The following ADGRF5 variants were observed in gnomAD, a reference collection of about 807,000 sequenced individuals.
ADGRF5 encodes adhesion G protein-coupled receptor F5, also known as G-protein coupled receptor 116.
In ADGRF5, 75 loss-of-function variants were observed where a neutral mutation model predicts 132.3. That is an observed-to-expected ratio of 0.57 (90% CI 0.47 to 0.69). ADGRF5 has a LOEUF of 0.69. Among genes scored for constraint, ADGRF5 ranks in the 30% least tolerant of loss-of-function variants. The pLI is 0.00. For missense variants in ADGRF5, 1,516 were observed against 1,630.6 expected, an observed-to-expected ratio of 0.93 and a Z score of 1.21; for synonymous variants, 629 against 597.6, an observed-to-expected ratio of 1.05 and a Z score of -0.77.
rs567646604 is a variant in ADGRF5, at chr6:46,881,553, G to C, written c.716C>G (p.Pro239Arg). 6.2e-6 allele frequency: 10 copies of C among 1,613,348 alleles called. No individual in the cohort carries two copies. The highest frequency in any genetic ancestry group is 7.6e-6 in the Non-Finnish European group (9 of 1,179,318). Reference protein sequence around the residue: ...VVTYEVKTTPPSLELIHKANE... With the variant: ...VVTYEVKTTPRSLELIHKANE... ...GGCTTTATGTATTAACTCAAGTGAT[G>C]GTGGTGTAGTCTTGACTTCATATGT... The change falls in exon 8 of 21, where the codon CCA (proline) becomes CGA (arginine). Residue 239 changes from proline to arginine, a missense_variant. Pro to Arg is a moderately radical substitution (Grantham distance 103). Around this residue, in one of 2 missense-constraint regions of ADGRF5, gnomAD observed 945 missense variants for 929.4 expected, o/e 1.02. Coordinates refer to ENST00000283296, the MANE Select transcript of ADGRF5 (RefSeq NM_001098518.2).
At chr6:46,899,404 C>T (rs2150879366) in intron 3 of ADGRF5, among the ~76,000 whole-genome samples, 1 of 152,192 alleles carries the variant, frequency 6.6e-6, no homozygotes, top group East Asian at 1.9e-4. Flanking sequence ...GTGGGAGCAC[C>T]AGGTCCTGGG....
chr6:46,903,974 GAC>G (rs1775041660), intron 2 of ADGRF5, among the ~76,000 whole-genome samples: 1 of 152,190 alleles, frequency 6.6e-6, no homozygotes, highest in Non-Finnish European at 1.5e-5. Flanking sequence ...GAAGAAAGTT[GAC>G]AGTTTCCAAA....
intron 1 of ADGRF5, chr6:46,908,986 T>G (rs532366216): frequency 4.6e-5 from 7 of 152,324 alleles, no homozygotes; most frequent in African/African-American, 1.7e-4. Flanking sequence ...CTTCAGCTTT[T>G]GGGGTTGCTG....
At chr6:46,915,014 C>T (rs1776307612) in intron 1 of ADGRF5, among the ~76,000 whole-genome samples, 2 of 151,938 alleles carry the variant, frequency 1.3e-5, no homozygotes, top group Admixed American at 1.3e-4. Flanking sequence ...TGCCACCATG[C>T]CCGGCTGATT....
chr6:46,899,423 G>A (rs921966841), intron 3 of ADGRF5, among the ~76,000 whole-genome samples: 1 of 152,144 alleles, frequency 6.6e-6, no homozygotes, highest in Admixed American at 6.5e-5. Context: ...GGAATACCCA[G>A]CCTGCGGCCC....
At chr6:46,888,994 C>G (rs1481604776) in intron 3 of ADGRF5, among the ~76,000 whole-genome samples, 1 of 151,978 alleles carries the variant, frequency 6.6e-6, no homozygotes, top group African/African-American at 2.4e-5. Flanking sequence ...GAACTGGACA[C>G]TGCTTTTGTT....
At chr6:46,922,522 G>A (rs1274884165), upstream of ADGRF5, among the ~76,000 whole-genome samples, 1 of 152,154 alleles carries the variant, frequency 6.6e-6, no homozygotes. Flanking sequence ...GGAGATATAT[G>A]GTAAAGGCCT....
Position 46,878,272 on chromosome 6 carries a change from G to A in ADGRF5, c.1170C>T (p.Asn390=). Residue 390 remains asparagine, a synonymous_variant, in exon 10 of 21, where the codon AAC becomes AAT. Transcript: ENST00000283296. The part of the protein sequence containing the change: ...VMCDNNPVSL[N]CCSQGNVNWS... ...AATTAACATTACCCTGACTGCAGCA[G>A]TTCAAAGATACAGGATTGTTGTCGC... is the stretch of plus-strand genomic sequence containing the variant. 1.2e-6 allele frequency: 2 copies of A among 1,613,774 alleles called. No homozygotes were observed. Among genetic ancestry groups the A allele is most frequent in the Non-Finnish European group, 1.7e-6 (2 of 1,179,726 alleles).
Position 46,863,914 on chromosome 6 carries a change from G to A in ADGRF5, c.1991-818C>T, listed in dbSNP as rs1280725578. Among the ~76,000 whole-genome samples the A allele has an allele frequency of 4.6e-5, 7 of 152,354 alleles. No homozygotes were observed. In the East Asian group the frequency reaches 1.2e-3, roughly 25 times the overall value. ...GTGACCTTTGCTGCACCCTGGAGGG[G>A]TTGTACTTGTGCGTGGAAAGGTCAG... On this transcript the variant is annotated intron_variant, in intron 14 of 20. Coordinates refer to ENST00000283296, the MANE Select transcript of ADGRF5 (RefSeq NM_001098518.2).
chr6:46,885,412 CTTT>C (rs1227177241), intron 4 of ADGRF5, among the ~76,000 whole-genome samples: 2 of 152,048 alleles, frequency 1.3e-5, no homozygotes, highest in Admixed American at 6.6e-5. Flanking sequence ...GAGAACTAAA[CTTT>C]TTGTTTTTCC....
At chr6:46,877,015 C>CT (rs1771731628) in intron 10 of ADGRF5, among the ~76,000 whole-genome samples, 1 of 152,192 alleles carries the variant, frequency 6.6e-6, no homozygotes, top group African/African-American at 2.4e-5. Context: ...ACTTTAAAGA[C>CT]TTTTTCTTTA....
intron 3 of ADGRF5, among the ~76,000 whole-genome samples, chr6:46,894,084 T>C (rs1489545482): frequency 2.0e-5 from 3 of 152,190 alleles, no homozygotes. Flanking sequence ...GAAAAGAGAT[T>C]GGTTGGTTTG....
At chr6:46,877,829 C>A (rs1459961648) in intron 10 of ADGRF5, among the ~76,000 whole-genome samples, 2 of 152,192 alleles carry the variant, frequency 1.3e-5, no homozygotes, top group East Asian at 3.9e-4. Context: ...AGCTCCAAGT[C>A]AGACCTCAAT....
chr6:46,876,648 G>A (rs1581798990), intron 10 of ADGRF5, among the ~76,000 whole-genome samples: 1 of 152,186 alleles, frequency 6.6e-6, no homozygotes, highest in East Asian at 1.9e-4. Flanking sequence ...CTGTCACCCA[G>A]GCTGTAGTGC....
At chr6:46,867,517 AT>A (rs1278132899) in intron 12 of ADGRF5, among the ~76,000 whole-genome samples, 1 of 152,142 alleles carries the variant, frequency 6.6e-6, no homozygotes, top group African/African-American at 2.4e-5. Context: ...TTTTTTGACA[AT>A]AATTGTTAAC....
rs1319890949 is a variant in ADGRF5, at chr6:46,878,408, G to T, written c.1037-3C>A. On this transcript the variant is annotated splice_region_variant and splice_polypyrimidine_tract_variant and intron_variant, in intron 9 of 20. Transcript: ENST00000283296. ...TATCAGTTTGCAAACATATTCACCT[G>T]CATAAAATACACAAAATCATGTATT... is the stretch of plus-strand genomic sequence containing the variant. 2 of 1,544,022 alleles carry T rather than the reference G, an allele frequency of 1.3e-6. No homozygotes were observed. The highest frequency in any genetic ancestry group is 1.8e-6 in the Non-Finnish European group (2 of 1,118,028).
In ADGRF5 at chr6:46,863,893, C is replaced by T. The variant is rs538127123; in HGVS notation, c.1991-797G>A. 3.8e-4 allele frequency among the ~76,000 whole-genome samples: 58 copies of T among 152,312 alleles called. 2 individuals carry two copies. In the South Asian group the frequency reaches 6.8e-3, roughly 18 times the overall value. On this transcript the variant is annotated intron_variant, in intron 14 of 20. Transcript: ENST00000283296. ...GAGTGATGGGGAAAAGAAGAGGTGA[C>T]CTTTGCTGCACCCTGGAGGGGTTGT...
Position 46,859,048 on chromosome 6 carries a change from G to A in ADGRF5, c.2855C>T (p.Thr952Met), listed in dbSNP as rs749091129. 60 of 1,614,022 alleles carry A rather than the reference G, an allele frequency of 3.7e-5. No homozygotes were observed. Among genetic ancestry groups the A allele is most frequent in the Non-Finnish European group, 4.4e-5 (52 of 1,180,028 alleles). Residue 952 changes from threonine (T) to methionine (M), a missense_variant, in exon 17 of 21, where the codon ACG (threonine) becomes ATG (methionine). By Grantham distance (81) the Thr-to-Met change is moderately conservative. Coordinates refer to ENST00000283296, the MANE Select transcript of ADGRF5 (RefSeq NM_001098518.2). ...CCTGAAGTTCCAGAAGACACACTTCGTTTCGCCGCCTGAAGGGCTATTGTT... is the reference window on the plus strand; with the variant it reads ...CCTGAAGTTCCAGAAGACACACTTCATTTCGCCGCCTGAAGGGCTATTGTT... ...FKNNSPSGGETKCVFWNFRLA... is the reference protein window; with the variant it reads ...FKNNSPSGGEMKCVFWNFRLA...
chr6:46,861,259 T>C (rs1404617104), intron 15 of ADGRF5, among the ~76,000 whole-genome samples: 1 of 152,200 alleles, frequency 6.6e-6, no homozygotes, highest in Non-Finnish European at 1.5e-5. Context: ...CTCATATCAC[T>C]TACCCTGCCA....
Sources: allele counts gnomAD v4.1 joint callset (sites outside exome capture counted in the v4.1 genomes callset), GRCh38; gene constraint gnomAD v4.1.1; regional missense constraint gnomAD v4.1.1; transcripts MANE v1.5; gene names NCBI Gene and HGNC (gene_info 2026-07-23, HGNC 2026-07-21).